The following PPP1R14C variants were observed in gnomAD, a reference collection of about 807,000 sequenced individuals.
The protein encoded by PPP1R14C is protein phosphatase 1 regulatory inhibitor subunit 14C, also known as protein phosphatase 1 regulatory subunit 14C.
In PPP1R14C, 16 loss-of-function variants were observed where a neutral mutation model predicts 20.4. That is an observed-to-expected ratio of 0.78 (90% CI 0.53 to 1.19). PPP1R14C has a LOEUF of 1.19. Among genes scored for constraint, PPP1R14C ranks in the 50% most tolerant of loss-of-function variants. PPP1R14C has a pLI of 0.00. For synonymous variants in PPP1R14C, 91 were observed against 91.0 expected, an observed-to-expected ratio of 1.00 and a Z score of 0.00; for missense variants, 211 against 220.1, an observed-to-expected ratio of 0.96 and a Z score of 0.26.
At chr6:150,206,741 G>T (rs962946901) in intron 1 of PPP1R14C, among the ~76,000 whole-genome samples, 6 of 152,184 alleles carry the variant, frequency 3.9e-5, no homozygotes, top group Admixed American at 2.0e-4. Context: ...GTCAGGACCT[G>T]CTCTCCTGGG....
chr6:150,217,257 G>A (rs1020197770), intron 3 of PPP1R14C, among the ~76,000 whole-genome samples: 1 of 149,538 alleles, frequency 6.7e-6, no homozygotes, highest in African/African-American at 2.5e-5. Context: ...GTGCAGTGGT[G>A]TGATCTCGGC....
At chr6:150,223,554 G>A (rs1178634037) in intron 3 of PPP1R14C, among the ~76,000 whole-genome samples, 2 of 152,066 alleles carry the variant, frequency 1.3e-5, no homozygotes, top group African/African-American at 4.8e-5. Flanking sequence ...GGTGTGTAGT[G>A]GTATCTCATT....
intron 3 of PPP1R14C, among the ~76,000 whole-genome samples, chr6:150,223,526 A>G (rs533075673): frequency 5.3e-4 from 80 of 152,168 alleles, no homozygotes; most frequent in Non-Finnish European, 1.1e-3. Context: ...ATTGTTCTGG[A>G]TTTGGACCAT....
intron 1 of PPP1R14C, among the ~76,000 whole-genome samples, chr6:150,187,216 G>T (rs1325353418): frequency 2.0e-5 from 3 of 150,880 alleles, no homozygotes; most frequent in Admixed American, 1.3e-4. Context: ...CTGACCTCAG[G>T]TGATCTGCCC....
intron 1 of PPP1R14C, among the ~76,000 whole-genome samples, chr6:150,196,671 T>C (rs1460844901): frequency 6.6e-6 from 1 of 152,216 alleles, no homozygotes; most frequent in Non-Finnish European, 1.5e-5. Context: ...AAGATGTGTT[T>C]CAATCACTTC....
At chr6:150,230,300 G>A (rs1487718577) in intron 3 of PPP1R14C, among the ~76,000 whole-genome samples, 1 of 152,116 alleles carries the variant, frequency 6.6e-6, no homozygotes. Context: ...AAGAAGTGTC[G>A]GGTAGCTGCT....
intron 1 of PPP1R14C, among the ~76,000 whole-genome samples, chr6:150,202,288 C>A (rs1485326940): frequency 1.3e-5 from 2 of 152,342 alleles, no homozygotes; most frequent in Admixed American, 1.3e-4. Flanking sequence ...CCTGTACCCC[C>A]ACTCTGTCAC....
intron 1 of PPP1R14C, among the ~76,000 whole-genome samples, chr6:150,174,945 G>A (rs1157597787): frequency 6.8e-6 from 1 of 147,940 alleles, no homozygotes; most frequent in African/African-American, 2.5e-5. Flanking sequence ...CAGCCTGGGC[G>A]ACCGAGGGAG....
chr6:150,216,859 A>G lies in PPP1R14C; in HGVS notation c.423+3A>G, dbSNP rs144674212. ...TAGACTGCTACAAACCAACAGAGGTAAGCAAATCACTTTTCCTAAATGCCA... is the reference window on the plus strand; with the variant it reads ...TAGACTGCTACAAACCAACAGAGGTGAGCAAATCACTTTTCCTAAATGCCA... On this transcript the variant is annotated splice_donor_region_variant and intron_variant, in intron 3 of 3. Coordinates refer to ENST00000361131, the MANE Select transcript of PPP1R14C (RefSeq NM_030949.3). 94 of 1,601,658 alleles carry G rather than the reference A, an allele frequency of 5.9e-5. No individual in the cohort carries two copies. In the African/African-American group the frequency reaches 9.5e-4, roughly 16 times the overall value.
intron 1 of PPP1R14C, among the ~76,000 whole-genome samples, chr6:150,167,124 T>C (rs1777430887): frequency 6.6e-6 from 1 of 152,176 alleles, no homozygotes; most frequent in East Asian, 1.9e-4. Context: ...CCCAGCACTT[T>C]GGGAGGCCGA....
In PPP1R14C at chr6:150,143,640, T is replaced by A; in HGVS notation, c.306+142T>A. 1.6e-6 allele frequency: 1 copy of A among 643,770 alleles called. No individual in the cohort carries two copies. Among genetic ancestry groups the A allele is most frequent in the Non-Finnish European group, 2.6e-6 (1 of 389,822 alleles). The allele number at this position is 643,770 out of a possible 1,614,324, so 39.9% of individuals were successfully genotyped here. A position where few individuals can be genotyped will look rare whatever the true frequency, so the allele number is the denominator to read the frequency against. ...GTGCCAGGAGCGAGGCGCGGCGCCT[T>A]CTCTCCCCCGCGGTGCCCTCTGGCG... On this transcript the variant is annotated intron_variant, in intron 1 of 3. Transcript: ENST00000361131. The surrounding 1 kb of genome is among the most constrained non-coding windows in gnomAD (Gnocchi z 5.6).
chr6:150,242,783 A>G (rs1778447882), intron 3 of PPP1R14C, among the ~76,000 whole-genome samples: 1 of 152,220 alleles, frequency 6.6e-6, no homozygotes, highest in South Asian at 2.1e-4. Context: ...AGACAATGTG[A>G]CTGTGTAGAA....
chr6:150,237,022 A>C (rs554100548), intron 3 of PPP1R14C, among the ~76,000 whole-genome samples: 1 of 151,218 alleles, frequency 6.6e-6, no homozygotes, highest in Non-Finnish European at 1.5e-5. Flanking sequence ...GAAGAAACAC[A>C]TGTGTGCTGC....
At chr6:150,192,413 T>C (rs1777756224) in intron 1 of PPP1R14C, among the ~76,000 whole-genome samples, 1 of 152,184 alleles carries the variant, frequency 6.6e-6, no homozygotes, top group African/African-American at 2.4e-5. Flanking sequence ...CAGATCCCTT[T>C]CGTGCGTGGT....
At chr6:150,194,514 TAAA>T in intron 1 of PPP1R14C, 1 of 978,166 alleles carries the variant, frequency 1.0e-6, no homozygotes. Context: ...ATGCCAATTA[TAAA>T]TCATGCTTTT....
intron 1 of PPP1R14C, among the ~76,000 whole-genome samples, chr6:150,191,098 C>A (rs1477334409): frequency 6.6e-6 from 1 of 152,160 alleles, no homozygotes; most frequent in Admixed American, 6.5e-5. Context: ...CTCCTCTGGG[C>A]TCTGCAGCTT....
At chr6:150,220,444 A>G (rs1043539661) in intron 3 of PPP1R14C, among the ~76,000 whole-genome samples, 2 of 152,186 alleles carry the variant, frequency 1.3e-5, no homozygotes, top group Non-Finnish European at 2.9e-5. Context: ...TGGGGAATTA[A>G]TATAGGAAAG....
chr6:150,154,321 C>A (rs961410635), intron 1 of PPP1R14C, among the ~76,000 whole-genome samples: 1 of 152,150 alleles, frequency 6.6e-6, no homozygotes, highest in African/African-American at 2.4e-5. Context: ...TTGCTGGCAC[C>A]TATGAGATTA....
intron 1 of PPP1R14C, among the ~76,000 whole-genome samples, chr6:150,205,949 C>G (rs1177549508): frequency 2.0e-5 from 3 of 152,076 alleles, no homozygotes; most frequent in African/African-American, 7.2e-5. Context: ...TAAACCATAA[C>G]CCATCATGCC....
Sources: allele counts gnomAD v4.1 joint callset (sites outside exome capture counted in the v4.1 genomes callset), GRCh38; gene constraint gnomAD v4.1.1; non-coding constraint Gnocchi (gnomAD v3.1); transcripts MANE v1.5; gene names NCBI Gene and HGNC (gene_info 2026-07-23, HGNC 2026-07-21).